Variants in RUNX1 observed in about 807,000 individuals in gnomAD.
RUNX1 encodes the protein runt-related transcription factor 1.
RUNX1 carries 19 observed loss-of-function variants against 42.8 expected under a neutral mutation model. The ratio of observed to expected loss-of-function variants is 0.44; its 90% CI spans 0.31 to 0.65. The LOEUF is 0.65. Ranked by LOEUF, RUNX1 falls within the 30% of genes least tolerant of loss-of-function variation. RUNX1 has a pLI of 0.07. For synonymous variants in RUNX1, 271 were observed against 289.4 expected (o/e 0.94, Z 0.64); for missense variants, 528 against 672.0 (o/e 0.79, Z 2.37).
chr21:34,864,827 A>G (rs2057633994), intron 5 of RUNX1, among the ~76,000 whole-genome samples: 1 of 152,222 alleles, frequency 6.6e-6, no homozygotes, highest in Admixed American at 6.5e-5. Context: ...GTGAGAACAA[A>G]AAACAACAGG....
rs1225594259 is a variant in RUNX1 at position 35,024,926 on chromosome 21, CAAAT to C, written c.58+23912_58+23915del. 3.9e-5 allele frequency among the ~76,000 whole-genome samples: 6 copies of C among 152,248 alleles called. No homozygotes were observed. The East Asian group carries it at 1.2e-3, about 29-fold the overall frequency. Reference sequence around the variant, plus strand: ...AGGCATTTAAGATCAAGACTGGTGACAAATAAGGTGACCAAGGAAGCTTGACAAT... The same window carrying C: ...AGGCATTTAAGATCAAGACTGGTGACAAGGTGACCAAGGAAGCTTGACAAT... On this transcript the variant is annotated intron_variant, in intron 2 of 8. Coordinates refer to ENST00000675419, the MANE Select transcript of RUNX1 (RefSeq NM_001754.5).
intron 2 of RUNX1, among the ~76,000 whole-genome samples, chr21:35,043,410 G>A (rs17227203): frequency 0.031 from 4,745 of 152,286 alleles, 105 homozygotes; most frequent in Non-Finnish European, 0.046. Context: ...TCAGGCACCA[G>A]TGTAGCTTCT....
chr21:34,902,521 T>C (rs1386932789), intron 2 of RUNX1, among the ~76,000 whole-genome samples: 2 of 152,188 alleles, frequency 1.3e-5, no homozygotes, highest in Non-Finnish European at 2.9e-5. Flanking sequence ...TATATAAAGG[T>C]ATACATGAGA....
intron 5 of RUNX1, among the ~76,000 whole-genome samples, chr21:34,879,004 G>C: frequency 6.6e-6 from 1 of 152,206 alleles, no homozygotes; most frequent in East Asian, 1.9e-4. Flanking sequence ...CTTAGCTATT[G>C]ATTCCTAACA....
chr21:34,869,263 C>A (rs547346778), intron 5 of RUNX1, among the ~76,000 whole-genome samples: 1 of 152,280 alleles, frequency 6.6e-6, no homozygotes, highest in African/African-American at 2.4e-5. Flanking sequence ...AGTATAGTTA[C>A]ATACACACCA....
intron 2 of RUNX1, among the ~76,000 whole-genome samples, chr21:34,961,887 AT>A (rs1223963475): frequency 8.6e-5 from 13 of 151,136 alleles, no homozygotes; most frequent in Admixed American, 8.6e-4. Flanking sequence ...TTTTAGTGGA[AT>A]TTTTTTTTCT....
At chr21:35,037,895 C>T (rs1240449037) in intron 2 of RUNX1, among the ~76,000 whole-genome samples, 2 of 151,594 alleles carry the variant, frequency 1.3e-5, no homozygotes, top group South Asian at 2.1e-4. Context: ...CACTTCTGCA[C>T]TGCTACATGA....
In RUNX1 at chr21:34,907,822, G is replaced by A. The variant is rs568906950; in HGVS notation, c.59-14859C>T. On this transcript the variant is annotated intron_variant, in intron 2 of 8. Coordinates refer to ENST00000675419, the MANE Select transcript of RUNX1 (RefSeq NM_001754.5). This position sits in a 1 kb window ranked among gnomAD's most constrained non-coding sequence, Gnocchi z 5.3. ...CTGTGGAATAGCATTGGGTCATTTC[G>A]TTCAGAGGCGAAAAGATTCTTAGCA... 5.9e-5 allele frequency among the ~76,000 whole-genome samples: 9 copies of A among 152,300 alleles called. No individual in the cohort carries two copies. Among genetic ancestry groups the A allele is most frequent in the Non-Finnish European group, 7.4e-5 (5 of 68,012 alleles).
chr21:34,879,083 C>A (rs1241607123), intron 5 of RUNX1, among the ~76,000 whole-genome samples: 1 of 152,170 alleles, frequency 6.6e-6, no homozygotes, highest in Non-Finnish European at 1.5e-5. Flanking sequence ...GCTGTGGGGC[C>A]TTTGTTTTTT....
At chr21:34,991,433 G>A (rs2058937846) in intron 2 of RUNX1, among the ~76,000 whole-genome samples, 1 of 152,198 alleles carries the variant, frequency 6.6e-6, no homozygotes, top group African/African-American at 2.4e-5. Context: ...TGATGACATG[G>A]CTGTCCATGC....
chr21:34,838,918 T>C (rs955688179), intron 6 of RUNX1, among the ~76,000 whole-genome samples: 2 of 151,442 alleles, frequency 1.3e-5, no homozygotes, highest in Admixed American at 6.6e-5. Flanking sequence ...ATATATACTA[T>C]ATAATATAAA....
chr21:34,858,326 T>C (rs978854866), intron 6 of RUNX1, among the ~76,000 whole-genome samples: 1 of 152,182 alleles, frequency 6.6e-6, no homozygotes, highest in African/African-American at 2.4e-5. Flanking sequence ...TAGAGGGGAC[T>C]GGAGCAGTAG....
intron 6 of RUNX1, chr21:34,859,253 C>T: frequency 3.4e-6 from 2 of 590,648 alleles, no homozygotes; most frequent in Non-Finnish European, 6.1e-6. Flanking sequence ...GCCTAATTTC[C>T]TTTTGCCCTC....
In RUNX1 at chr21:34,998,914, G is replaced by A. The variant is rs1363669188; in HGVS notation, c.58+49928C>T. Among the ~76,000 whole-genome samples the A allele has an allele frequency of 2.6e-5, 4 of 152,304 alleles. No individual in the cohort carries two copies. The East Asian group carries it at 5.8e-4, about 22-fold the overall frequency. ...AATATCCACCCATGAAGTACAGTTG[G>A]GAAATCTGTGCTCCAAAGCAAAACC... On this transcript the variant is annotated intron_variant, in intron 2 of 8. Transcript: ENST00000675419.
intron 3 of RUNX1, chr21:34,887,407 T>C (rs770326913): frequency 1.5e-4 from 211 of 1,390,180 alleles, no homozygotes; most frequent in Non-Finnish European, 1.9e-4. Flanking sequence ...CGAATCTTGC[T>C]TGCAGAGGTT....
At chr21:34,895,121 A>G (rs8130963) in intron 2 of RUNX1, among the ~76,000 whole-genome samples, 68,602 of 152,044 alleles carry the variant, frequency 0.45, 19,286 homozygotes, top group African/African-American at 0.8. Flanking sequence ...ACCTCATATC[A>G]TTAGGAGTCA....
At chr21:34,798,786 TTTTA>T (rs2056566704) in intron 8 of RUNX1, among the ~76,000 whole-genome samples, 1 of 152,082 alleles carries the variant, frequency 6.6e-6, no homozygotes, top group Non-Finnish European at 1.5e-5. Context: ...AAATATACCA[TTTTA>T]TATGAGGGAC....
chr21:34,818,193 C>T (rs1314739666), intron 7 of RUNX1, among the ~76,000 whole-genome samples: 1 of 152,184 alleles, frequency 6.6e-6, no homozygotes, highest in Non-Finnish European at 1.5e-5. Context: ...CCTATTCACC[C>T]CACTCCTCCC....
chr21:34,867,563 G>A (rs2146283799), intron 5 of RUNX1, among the ~76,000 whole-genome samples: 1 of 152,356 alleles, frequency 6.6e-6, no homozygotes, highest in African/African-American at 2.4e-5. Context: ...TCAACTGCAG[G>A]CAGGGGAAAA....
Sources: allele counts gnomAD v4.1 joint callset (sites outside exome capture counted in the v4.1 genomes callset), GRCh38; gene constraint gnomAD v4.1.1; non-coding constraint Gnocchi (gnomAD v3.1); transcripts MANE v1.5; gene names NCBI Gene and HGNC (gene_info 2026-07-23, HGNC 2026-07-21).